UNC13C: variants seen among roughly 807,000 people sequenced by gnomAD.
UNC13C encodes the protein protein unc-13 homolog C.
UNC13C carries 174 observed loss-of-function variants against 245.4 expected under a neutral mutation model. The ratio of observed to expected loss-of-function variants is 0.71; its 90% CI spans 0.63 to 0.80. UNC13C has a LOEUF of 0.80. Ranked by LOEUF, UNC13C falls within the 30% of genes least tolerant of loss-of-function variation. The pLI is 0.00. For synonymous variants in UNC13C, 992 were observed against 895.1 expected, an observed-to-expected ratio of 1.11 and a Z score of -1.93; for missense variants, 2,829 against 2,602.9, an observed-to-expected ratio of 1.09 and a Z score of -1.89.
chr15:54,082,159 T>G (rs1898977166), intron 2 of UNC13C, among the ~76,000 whole-genome samples: 1 of 152,194 alleles, frequency 6.6e-6, no homozygotes, highest in South Asian at 2.1e-4. Flanking sequence ...TAATGGGATT[T>G]CCTTTATAGG....
chr15:54,594,471 G>C (rs975295056), intron 30 of UNC13C, among the ~76,000 whole-genome samples: 2 of 152,060 alleles, frequency 1.3e-5, no homozygotes, highest in African/African-American at 4.8e-5. Flanking sequence ...GTGTGTCTGA[G>C]CTCAAGACTC....
chr15:54,033,919 C>G (rs1290366041), intron 2 of UNC13C, among the ~76,000 whole-genome samples: 6 of 152,162 alleles, frequency 3.9e-5, no homozygotes, highest in African/African-American at 1.4e-4. Flanking sequence ...ATATAAGCCT[C>G]TGCTATATAC....
chr15:54,424,863 A>G (rs892870585), intron 19 of UNC13C, among the ~76,000 whole-genome samples: 4 of 151,748 alleles, frequency 2.6e-5, no homozygotes, highest in African/African-American at 9.7e-5. Flanking sequence ...TCGTGGGTAA[A>G]TTAGTGTATT....
At chr15:54,494,219 A>C (rs12913962) in intron 19 of UNC13C, among the ~76,000 whole-genome samples, 24,606 of 152,116 alleles carry the variant, frequency 0.16, 2,196 homozygotes, top group Middle Eastern at 0.23. Flanking sequence ...GTACCCTAAA[A>C]CTTAAAGAAT....
At chr15:54,415,126 G>A (rs1596343635) in intron 19 of UNC13C, 59 bp downstream of exon 19, 10 of 1,259,220 alleles carry the variant, frequency 7.9e-6, no homozygotes, top group African/African-American at 1.5e-5. Flanking sequence ...GTGATATTGT[G>A]TTCTTGGCTT....
chr15:54,040,303 A>T (rs1896757035), intron 2 of UNC13C, among the ~76,000 whole-genome samples: 1 of 152,170 alleles, frequency 6.6e-6, no homozygotes, highest in South Asian at 2.1e-4. Flanking sequence ...CACAAGATAG[A>T]CTTAGGCTGT....
chr15:54,259,478 C>T (rs1180134132), intron 8 of UNC13C, among the ~76,000 whole-genome samples: 1 of 152,164 alleles, frequency 6.6e-6, no homozygotes, highest in East Asian at 1.9e-4. Flanking sequence ...AAAGGGGTTT[C>T]CCCTTATAAA....
At chr15:54,079,376 A>C (rs1258845374) in intron 2 of UNC13C, among the ~76,000 whole-genome samples, 1 of 151,916 alleles carries the variant, frequency 6.6e-6, no homozygotes, top group Non-Finnish European at 1.5e-5. Flanking sequence ...TAGGAATTTC[A>C]CTGAATTTTT....
At chr15:53,918,764 T>C in the UNC13C span, among the ~76,000 whole-genome samples, 1 of 152,216 alleles carries the variant, frequency 6.6e-6, no homozygotes, top group South Asian at 2.1e-4. Flanking sequence ...TGCTTCTTCC[T>C]GGAAGTGCCT....
At chr15:53,854,317 C>T in the UNC13C span, among the ~76,000 whole-genome samples, 1 of 151,854 alleles carries the variant, frequency 6.6e-6, no homozygotes, top group African/African-American at 2.4e-5. Context: ...GACAGGGTTT[C>T]ACCATGTTGG....
At chr15:54,011,017 C>T (rs1895359870) in intron 1 of UNC13C, among the ~76,000 whole-genome samples, 1 of 152,052 alleles carries the variant, frequency 6.6e-6, no homozygotes, top group South Asian at 2.1e-4. Flanking sequence ...GAGATGAGCT[C>T]AGTTTGGGTG....
the UNC13C span, among the ~76,000 whole-genome samples, chr15:53,889,880 G>A: frequency 9.8e-5 from 15 of 152,298 alleles, no homozygotes; most frequent in East Asian, 2.1e-3. Flanking sequence ...TGTTGAACCA[G>A]CCTTGTGTCC....
intron 4 of UNC13C, among the ~76,000 whole-genome samples, chr15:54,221,448 T>G (rs887679913): frequency 6.6e-6 from 1 of 151,880 alleles, no homozygotes; most frequent in South Asian, 2.1e-4. Flanking sequence ...GGAAATTATA[T>G]GGAGTCTATA....
the UNC13C span, among the ~76,000 whole-genome samples, chr15:53,940,414 G>A: frequency 1.3e-5 from 2 of 152,074 alleles, no homozygotes; most frequent in African/African-American, 4.8e-5. Context: ...GACAAGATAA[G>A]GATGCCCTCT....
intron 17 of UNC13C, among the ~76,000 whole-genome samples, chr15:54,351,385 A>G (rs1383666361): frequency 6.6e-6 from 1 of 152,144 alleles, no homozygotes; most frequent in Non-Finnish European, 1.5e-5. Flanking sequence ...TTTAGTAAGT[A>G]TCTAGAGAAA....
chr15:54,082,139 G>A (rs1249807702), intron 2 of UNC13C, among the ~76,000 whole-genome samples: 7 of 152,108 alleles, frequency 4.6e-5, no homozygotes, highest in East Asian at 1.9e-4. Flanking sequence ...TTAGAAGACC[G>A]CTGTTAGCCT....
At chr15:54,264,980 G>A (rs2036517348) in intron 9 of UNC13C, among the ~76,000 whole-genome samples, 3 of 151,922 alleles carry the variant, frequency 2.0e-5, no homozygotes, top group Non-Finnish European at 2.9e-5. Flanking sequence ...ATTGACGGCA[G>A]ACTCATAAAT....
chr15:54,450,562 C>G (rs1169397614), intron 19 of UNC13C, among the ~76,000 whole-genome samples: 1 of 152,246 alleles, frequency 6.6e-6, no homozygotes. Flanking sequence ...GCTTGGGACC[C>G]TCTGAGCCAG....
the UNC13C span, among the ~76,000 whole-genome samples, chr15:53,972,416 G>A: frequency 6.6e-6 from 1 of 152,150 alleles, no homozygotes; most frequent in Non-Finnish European, 1.5e-5. Flanking sequence ...TAAATAAAGT[G>A]CTCTATGTGG....
Sources: allele counts gnomAD v4.1 joint callset (sites outside exome capture counted in the v4.1 genomes callset), GRCh38; gene constraint gnomAD v4.1.1; transcripts MANE v1.5; gene names NCBI Gene and HGNC (gene_info 2026-07-23, HGNC 2026-07-21).